RAB38: variants seen among roughly 807,000 people sequenced by gnomAD.
The protein encoded by RAB38 is ras-related protein Rab-38.
RAB38 carries 15 observed loss-of-function variants against 18.4 expected under a neutral mutation model. The observed-to-expected ratio is 0.82, with a 90% CI of 0.55 to 1.26. RAB38 has a LOEUF of 1.26. RAB38 is among the 50% of genes most tolerant of loss of function. The pLI is 0.00. For synonymous variants in RAB38, 101 were observed against 104.4 expected, an observed-to-expected ratio of 0.97 and a Z score of 0.20; for missense variants, 294 against 267.4, an observed-to-expected ratio of 1.10 and a Z score of -0.69.
chr11:88,108,415 G>C (rs1241136176), downstream of RAB38, among the ~76,000 whole-genome samples: 1 of 152,108 alleles, frequency 6.6e-6, no homozygotes, highest in African/African-American at 2.4e-5. Context: ...TTTAAAATCT[G>C]TTTTATCAGA....
At chr11:88,053,424 T>C in the RAB38 span, among the ~76,000 whole-genome samples, 5 of 111,398 alleles carry the variant, frequency 4.5e-5, 1 homozygote, top group Admixed American at 1.0e-4. Context: ...TACACACACA[T>C]ATATATGGAA....
At chr11:87,932,559 T>C in the RAB38 span, among the ~76,000 whole-genome samples, 1 of 152,100 alleles carries the variant, frequency 6.6e-6, no homozygotes. Context: ...GTTCTTCTAA[T>C]GGATTTTTGC....
At chr11:88,020,351 A>C in the RAB38 span, among the ~76,000 whole-genome samples, 1 of 152,194 alleles carries the variant, frequency 6.6e-6, no homozygotes, top group Non-Finnish European at 1.5e-5. Flanking sequence ...GTAAGAAGAG[A>C]CAAAGAAGGT....
At chr11:88,153,318 T>C (rs1010581886) in intron 1 of RAB38, among the ~76,000 whole-genome samples, 61 of 152,342 alleles carry the variant, frequency 4.0e-4, no homozygotes, top group African/African-American at 1.2e-3. Context: ...CTTGGTGTCA[T>C]AGACTCAGCT....
At chr11:87,869,089 T>C in the RAB38 span, among the ~76,000 whole-genome samples, 1 of 151,686 alleles carries the variant, frequency 6.6e-6, no homozygotes, top group Non-Finnish European at 1.5e-5. Context: ...GGTATCAGAA[T>C]CTAGGGAGCA....
chr11:88,174,855 G>A (rs906544847), intron 1 of RAB38, among the ~76,000 whole-genome samples: 1 of 152,204 alleles, frequency 6.6e-6, no homozygotes, highest in African/African-American at 2.4e-5. Flanking sequence ...TGGCAGAACT[G>A]CCCGCGCCCA....
the RAB38 span, among the ~76,000 whole-genome samples, chr11:88,008,418 C>T: frequency 6.6e-6 from 1 of 152,042 alleles, no homozygotes. Flanking sequence ...AACAGTGGTT[C>T]TCAAAGGATA....
At chr11:87,873,949 T>TATATATATATATATATATATATAC in the RAB38 span, among the ~76,000 whole-genome samples, 42 of 138,072 alleles carry the variant, frequency 3.0e-4, 1 homozygote, top group South Asian at 9.1e-4. Flanking sequence ...TATATATATA[T>TATATATATATATATATATATATAC]ACTCTGCATA....
At chr11:88,053,589 C>T in the RAB38 span, among the ~76,000 whole-genome samples, 2 of 151,276 alleles carry the variant, frequency 1.3e-5, no homozygotes, top group Non-Finnish European at 2.9e-5. Flanking sequence ...GAGAAAGATG[C>T]ATTTATAAAA....
At chr11:87,804,137 A>C in the RAB38 span, among the ~76,000 whole-genome samples, 1 of 152,378 alleles carries the variant, frequency 6.6e-6, no homozygotes, top group Admixed American at 6.5e-5. Context: ...GTATATTTAC[A>C]TCCAGGTAAA....
chr11:88,057,849 C>G, the RAB38 span, among the ~76,000 whole-genome samples: 1 of 152,236 alleles, frequency 6.6e-6, no homozygotes, highest in East Asian at 1.9e-4. Context: ...ATCTCTACCC[C>G]CTGCAAAATT....
chr11:88,084,260 G>A, the RAB38 span, among the ~76,000 whole-genome samples: 3 of 151,614 alleles, frequency 2.0e-5, no homozygotes, highest in African/African-American at 7.3e-5. Context: ...GGTTGAACGA[G>A]GAGAAAAGAA....
chr11:88,157,934 A>G (rs529370948), intron 1 of RAB38, among the ~76,000 whole-genome samples: 20 of 152,262 alleles, frequency 1.3e-4, no homozygotes, highest in African/African-American at 4.3e-4. Context: ...AAATCAGAGC[A>G]GAACAGAATG....
the RAB38 span, among the ~76,000 whole-genome samples, chr11:88,070,170 T>G: frequency 6.6e-6 from 1 of 152,168 alleles, no homozygotes; most frequent in African/African-American, 2.4e-5. Context: ...CACGAAGGTC[T>G]GCAGCTTCAC....
intron 1 of RAB38, among the ~76,000 whole-genome samples, chr11:88,173,018 C>CA (rs1308600337): frequency 6.6e-6 from 1 of 152,220 alleles, no homozygotes; most frequent in Non-Finnish European, 1.5e-5. Context: ...CTTATTTATA[C>CA]AGACTTCTGT....
At chr11:88,158,616 T>C (rs913368063) in intron 1 of RAB38, among the ~76,000 whole-genome samples, 2 of 152,068 alleles carry the variant, frequency 1.3e-5, no homozygotes, top group African/African-American at 2.4e-5. Context: ...CTTCAACATA[T>C]ATAAATCAAT....
At chr11:88,034,393 A>T in the RAB38 span, among the ~76,000 whole-genome samples, 1 of 152,236 alleles carries the variant, frequency 6.6e-6, no homozygotes, top group Non-Finnish European at 1.5e-5. Context: ...CTGGGTTTAC[A>T]GTGGTTGTAT....
intron 1 of RAB38, among the ~76,000 whole-genome samples, chr11:88,174,620 CAAAAA>C (rs60026669): frequency 0.039 from 3,911 of 101,272 alleles, 207 homozygotes; most frequent in African/African-American, 0.14. Context: ...AAGCAAAAAG[CAAAAA>C]AAAAAAAAAA....
At chr11:87,813,498 A>ATC in the RAB38 span, among the ~76,000 whole-genome samples, 3 of 85,672 alleles carry the variant, frequency 3.5e-5, no homozygotes, top group African/African-American at 1.0e-4. Context: ...CATCATACAC[A>ATC]TCACACACAC....
Sources: allele counts gnomAD v4.1 joint callset (sites outside exome capture counted in the v4.1 genomes callset), GRCh38; gene constraint gnomAD v4.1.1; transcripts MANE v1.5; gene names NCBI Gene and HGNC (gene_info 2026-07-23, HGNC 2026-07-21).